The following PBRM1 variants were observed in gnomAD, a reference collection of about 807,000 sequenced individuals.
The protein encoded by PBRM1 is protein polybromo-1.
Under a neutral mutation model 194.5 loss-of-function variants are expected in PBRM1, and 27 were observed. The ratio of observed to expected loss-of-function variants is 0.14; its 90% confidence interval spans 0.10 to 0.19. The LOEUF (loss-of-function observed/expected upper bound fraction) is 0.19, where lower values mean the gene tolerates loss of function less well. Among genes scored for constraint, PBRM1 ranks in the 10% least tolerant of loss-of-function variants. The pLI is 1.00. For missense variants in PBRM1, 1,466 were observed against 2,077.2 expected (o/e 0.71, Z 5.72); for synonymous variants, 655 against 693.2 (o/e 0.94, Z 0.87).
chr3:52,547,223 A>C, downstream of PBRM1: 1 of 233,156 alleles, frequency 4.3e-6, no homozygotes, highest in Non-Finnish European at 8.5e-6. Flanking sequence ...TTATAAATAG[A>C]TCAAAATATC....
At chr3:52,670,182 CA>C (rs1240836719) in intron 2 of PBRM1, among the ~76,000 whole-genome samples, 1 of 152,188 alleles carries the variant, frequency 6.6e-6, no homozygotes, top group East Asian at 1.9e-4. Context: ...CACTATCCCC[CA>C]GAATCACTGC....
At chr3:52,627,451 A>G (rs1235418072) in intron 12 of PBRM1, 81 bp from the exon 14 acceptor site, 6 of 782,290 alleles carry the variant, frequency 7.7e-6, no homozygotes, top group Non-Finnish European at 1.3e-5. Flanking sequence ...AGCTAGACAT[A>G]TCAGATTCAC....
intron 20 of PBRM1, among the ~76,000 whole-genome samples, chr3:52,584,769 T>C (rs1024122946): frequency 1.3e-5 from 2 of 152,196 alleles, no homozygotes; most frequent in Non-Finnish European, 2.9e-5. Context: ...TGCTTCTTTA[T>C]TGTCAATATT....
chr3:52,659,840 C>A (rs1335695447), intron 4 of PBRM1, among the ~76,000 whole-genome samples: 2 of 152,154 alleles, frequency 1.3e-5, no homozygotes. Context: ...CCTGTAATCC[C>A]AAGCACTTTG....
chr3:52,575,413 A>C (rs2089188610), intron 22 of PBRM1, among the ~76,000 whole-genome samples: 2 of 152,006 alleles, frequency 1.3e-5, no homozygotes, highest in Admixed American at 1.3e-4. Flanking sequence ...ACAAGAAGGC[A>C]CAGCCCATTC....
chr3:52,648,199 G>A (rs138503016), intron 7 of PBRM1, 145 bp downstream of exon 8: 313 of 546,644 alleles, frequency 5.7e-4, no homozygotes, highest in African/African-American at 4.9e-3. Context: ...GAGCCACTGC[G>A]CCCAGCCTAA....
At chr3:52,646,004 C>T (rs1433394234) in intron 7 of PBRM1, among the ~76,000 whole-genome samples, 1 of 152,164 alleles carries the variant, frequency 6.6e-6, no homozygotes, top group African/African-American at 2.4e-5. Context: ...AGATTATATA[C>T]ACAAGTTTAG....
Position 52,609,603 on chromosome 3 carries a change from T to C in PBRM1, c.2277A>G (p.Thr759=). ...CCTCATCTCCCTCCAGGTCTCTGCG[T>C]GTTTCAAGCAGGACTTTGTGTAGAA... Residue 759 remains threonine, a synonymous_variant, in exon 16 of 30, where the codon ACA becomes ACG. Transcript: ENST00000296302. The surrounding 1 kb of genome is among the most constrained non-coding windows in gnomAD (Gnocchi z 4.1). 4 of 1,613,150 alleles carry C rather than the reference T, an allele frequency of 2.5e-6. No individual in the cohort carries two copies. Among genetic ancestry groups the C allele is most frequent in the Non-Finnish European group, 3.4e-6 (4 of 1,179,594 alleles).
chr3:52,675,851 C>T lies in PBRM1; in HGVS notation c.236+2649G>A, dbSNP rs2097088714. Among the ~76,000 whole-genome samples the T allele has an allele frequency of 6.6e-5, 3 of 45,754 alleles. 1 individual carries two copies. Among genetic ancestry groups the T allele is most frequent in the Admixed American group, 5.6e-4 (2 of 3,596 alleles). 30.0% of individuals were successfully genotyped at this position (45,754 alleles called of 152,430 possible). On this transcript the variant is annotated intron_variant, in intron 2 of 29. Transcript: ENST00000296302. ...GAAGCGGGGGCCGGGCGCGGTGGCTCACGCCTGTAATCCCAGCACTTTGGG... is the reference window on the plus strand; with the variant it reads ...GAAGCGGGGGCCGGGCGCGGTGGCTTACGCCTGTAATCCCAGCACTTTGGG...
intron 16 of PBRM1, among the ~76,000 whole-genome samples, chr3:52,606,543 G>C (rs2094357669): frequency 6.6e-6 from 1 of 152,092 alleles, no homozygotes; most frequent in Non-Finnish European, 1.5e-5. Flanking sequence ...TTCTGTACAA[G>C]AGTCACTAAA....
intron 17 of PBRM1, among the ~76,000 whole-genome samples, chr3:52,601,989 A>G (rs2094029395): frequency 6.6e-6 from 1 of 152,170 alleles, no homozygotes; most frequent in African/African-American, 2.4e-5. Context: ...CTGACCCCAC[A>G]TGCTGGGAAA....
exon 9 of PBRM1, chr3:52,643,248 C>G: frequency 6.2e-7 from 1 of 1,603,156 alleles, no homozygotes; most frequent in Non-Finnish European, 8.5e-7. Flanking sequence ...TTTTTCTCAC[C>G]GGTAATACTT....
At chr3:52,615,524 A>G in intron 14 of PBRM1, 68 bp from the exon 17 acceptor site, 1 of 993,306 alleles carries the variant, frequency 1.0e-6, no homozygotes, top group Admixed American at 1.9e-5. Context: ...ATGCATCCAT[A>G]AAGAAGTTTT....
intron 4 of PBRM1, 55 bp from the exon 6 acceptor site, chr3:52,658,370 T>C (rs2096650021): frequency 2.2e-6 from 2 of 907,384 alleles, no homozygotes; most frequent in Non-Finnish European, 3.5e-6. Flanking sequence ...ATGCTGAATA[T>C]TACATAGCTT....
chr3:52,667,708 G>A (rs1379486458), intron 3 of PBRM1, among the ~76,000 whole-genome samples: 5 of 145,844 alleles, frequency 3.4e-5, no homozygotes, highest in Non-Finnish European at 7.4e-5. Context: ...AGCTGAGATC[G>A]TGCCACTGCA....
At chr3:52,654,495 A>T (rs910875890) in intron 5 of PBRM1, among the ~76,000 whole-genome samples, 1 of 152,106 alleles carries the variant, frequency 6.6e-6, no homozygotes, top group African/African-American at 2.4e-5. Flanking sequence ...CTTGGGACGG[A>T]CTTACTAAGG....
chr3:52,658,775 T>C (rs752814995), intron 4 of PBRM1, among the ~76,000 whole-genome samples: 6 of 152,224 alleles, frequency 3.9e-5, no homozygotes, highest in Non-Finnish European at 8.8e-5. Flanking sequence ...GACATAGGCA[T>C]TGTATCCCTA....
chr3:52,674,569 C>T (rs1226342356), intron 2 of PBRM1, among the ~76,000 whole-genome samples: 1 of 143,308 alleles, frequency 7.0e-6, no homozygotes, highest in Non-Finnish European at 1.5e-5. Context: ...GTAGGAGGAT[C>T]ACTTGAGCCC....
At chr3:52,625,678 G>C (rs1278769222) in intron 13 of PBRM1, among the ~76,000 whole-genome samples, 4 of 151,478 alleles carry the variant, frequency 2.6e-5, no homozygotes, top group Admixed American at 6.6e-5. Context: ...AGGTTCAAGC[G>C]ATTCTCCTGC....
Sources: allele counts gnomAD v4.1 joint callset (sites outside exome capture counted in the v4.1 genomes callset), GRCh38; gene constraint gnomAD v4.1.1; non-coding constraint Gnocchi (gnomAD v3.1); transcripts MANE v1.5; gene names NCBI Gene and HGNC (gene_info 2026-07-23, HGNC 2026-07-21).